Variants in CELF2 observed in about 807,000 individuals in gnomAD.
The protein encoded by CELF2 is CUGBP Elav-like family member 2.
Under a neutral mutation model 62.6 loss-of-function variants are expected in CELF2, and 8 were observed. The ratio of observed to expected loss-of-function variants is 0.13; its 90% CI spans 0.07 to 0.23. The LOEUF (loss-of-function observed/expected upper bound fraction) is 0.23. Among genes scored for constraint, CELF2 ranks in the 10% least tolerant of loss-of-function variants. The probability of loss-of-function intolerance (pLI) is 1.00; values close to 1 mark genes in which losing one functional copy is unlikely to be tolerated. For synonymous variants in CELF2, 258 were observed against 250.0 expected (o/e 1.03, Z -0.30); for missense variants, 333 against 671.0 (o/e 0.50, Z 5.56).
At chr10:10,773,626 A>G in the CELF2 span, among the ~76,000 whole-genome samples, 736 of 152,340 alleles carry the variant, frequency 4.8e-3, 4 homozygotes, top group African/African-American at 0.01. Flanking sequence ...TGGTATTTCA[A>G]CACTGGCTGT....
In CELF2 at chr10:11,021,602, C is replaced by T. The variant is rs185856684; in HGVS notation, c.74+3439C>T. Among the ~76,000 whole-genome samples the T allele has an allele frequency of 3.0e-4, 45 of 152,306 alleles. 1 individual carries two copies. The highest frequency in any genetic ancestry group is 3.2e-4 in the Non-Finnish European group (22 of 68,030). ...AGTTGTTAGTTGAGTGCCTGCCATG[C>T]GCCAGGATAGTTTATTCACACCGTC... is the stretch of plus-strand genomic sequence containing the variant. On this transcript the variant is annotated intron_variant, in intron 1 of 12. Coordinates refer to ENST00000633077, the MANE Select transcript of CELF2 (RefSeq NM_001326342.2).
At chr10:10,856,363 A>T (rs1230569143) in intron 1 of CELF2, among the ~76,000 whole-genome samples, 5 of 152,192 alleles carry the variant, frequency 3.3e-5, no homozygotes, top group East Asian at 1.9e-4. Context: ...GTAATATTTT[A>T]AAAAATGTTT....
intron 1 of CELF2, among the ~76,000 whole-genome samples, chr10:10,891,024 AAACAAC>A (rs3028996): frequency 2.0e-5 from 3 of 151,172 alleles, no homozygotes; most frequent in South Asian, 2.1e-4. Flanking sequence ...TCAAAAAAAC[AAACAAC>A]AACAACAACA....
the CELF2 span, among the ~76,000 whole-genome samples, chr10:10,627,127 C>G: frequency 1.3e-5 from 2 of 152,296 alleles, no homozygotes; most frequent in Admixed American, 1.3e-4. Context: ...CATTGTGTAG[C>G]CCTCCAAAAT....
intron 9 of CELF2, among the ~76,000 whole-genome samples, chr10:11,301,153 A>C (rs747562282): frequency 6.6e-6 from 1 of 152,124 alleles, no homozygotes; most frequent in Non-Finnish European, 1.5e-5. Context: ...ATTTTAAATA[A>C]AGAACTGGCA....
rs2088093142 is a variant in CELF2 at position 11,280,608 on chromosome 10, C to A, written c.841+5488C>A. ...AGACAGTCCCCACGCTCTTCTCGCCCCGGGTTATTACTGTGGTGTGACAGA... is the reference window on the plus strand; with the variant it reads ...AGACAGTCCCCACGCTCTTCTCGCCACGGGTTATTACTGTGGTGTGACAGA... On this transcript the variant is annotated intron_variant, in intron 8 of 12. Coordinates refer to ENST00000633077, the MANE Select transcript of CELF2 (RefSeq NM_001326342.2). This position sits in a 1 kb window ranked among gnomAD's most constrained non-coding sequence, Gnocchi z 7.6. 6.6e-6 allele frequency among the ~76,000 whole-genome samples: 1 copy of A among 152,190 alleles called. No homozygotes were observed. Among genetic ancestry groups the A allele is most frequent in the Non-Finnish European group, 1.5e-5 (1 of 68,028 alleles).
At chr10:11,258,242 C>CT (rs2079404312) in intron 5 of CELF2, among the ~76,000 whole-genome samples, 2 of 152,182 alleles carry the variant, frequency 1.3e-5, no homozygotes, top group African/African-American at 4.8e-5. Flanking sequence ...CTCGGGCTTC[C>CT]TGCCTGTGCC....
chr10:10,661,272 T>A, the CELF2 span, among the ~76,000 whole-genome samples: 1 of 152,238 alleles, frequency 6.6e-6, no homozygotes, highest in Admixed American at 6.5e-5. Context: ...ATATAGTGTC[T>A]CCTTTTTGCA....
chr10:10,608,550 G>A, the CELF2 span, among the ~76,000 whole-genome samples: 6 of 152,032 alleles, frequency 3.9e-5, no homozygotes, highest in South Asian at 2.1e-4. Context: ...CATCTTTAAT[G>A]GCTGTTCTTT....
chr10:10,469,961 A>G, the CELF2 span, among the ~76,000 whole-genome samples: 1 of 152,038 alleles, frequency 6.6e-6, no homozygotes, highest in East Asian at 1.9e-4. Context: ...TCTGAAATCC[A>G]AAATGCTCTG....
chr10:11,119,600 TTAAC>T (rs1278073443), intron 1 of CELF2, among the ~76,000 whole-genome samples: 2 of 152,196 alleles, frequency 1.3e-5, no homozygotes, highest in Admixed American at 6.5e-5. Context: ...TACCAACAAA[TTAAC>T]TATTTTTAAT....
chr10:11,089,190 C>T (rs576765111), intron 1 of CELF2, among the ~76,000 whole-genome samples: 6 of 152,246 alleles, frequency 3.9e-5, no homozygotes, highest in Admixed American at 2.0e-4. Flanking sequence ...GGCAGGGTCA[C>T]GTTGCAAAAG....
the CELF2 span, among the ~76,000 whole-genome samples, chr10:10,718,688 A>C: frequency 6.6e-6 from 1 of 151,730 alleles, no homozygotes; most frequent in Admixed American, 6.6e-5. Context: ...TCCTCCAGGA[A>C]ACTGACCCAA....
the CELF2 span, among the ~76,000 whole-genome samples, chr10:10,675,079 G>A: frequency 6.6e-6 from 1 of 151,984 alleles, no homozygotes; most frequent in African/African-American, 2.4e-5. Context: ...CTTTTTTGAT[G>A]TGCTCCCTTT....
chr10:10,799,233 C>T (rs1313742747), intron 1 of CELF2, among the ~76,000 whole-genome samples: 1 of 152,080 alleles, frequency 6.6e-6, no homozygotes, highest in Non-Finnish European at 1.5e-5. Flanking sequence ...TAATCCCGCA[C>T]TTTGGGACGC....
chr10:11,146,842 T>A (rs1351727175), intron 1 of CELF2, among the ~76,000 whole-genome samples: 1 of 152,232 alleles, frequency 6.6e-6, no homozygotes, highest in Non-Finnish European at 1.5e-5. Flanking sequence ...TATCTTTGCC[T>A]GGACGTCCTG....
intron 11 of CELF2, among the ~76,000 whole-genome samples, chr10:11,322,788 TG>T (rs1424666099): frequency 4.6e-5 from 7 of 152,194 alleles, no homozygotes; most frequent in African/African-American, 1.2e-4. Flanking sequence ...TTTTGAAACA[TG>T]CACAGGTGTT....
chr10:10,619,073 G>A, the CELF2 span, among the ~76,000 whole-genome samples: 1 of 152,196 alleles, frequency 6.6e-6, no homozygotes, highest in South Asian at 2.1e-4. Flanking sequence ...AGGAGGAAGG[G>A]GGAACTTCCA....
At chr10:11,152,940 C>T (rs946071480) in intron 1 of CELF2, among the ~76,000 whole-genome samples, 17 of 152,144 alleles carry the variant, frequency 1.1e-4, no homozygotes, top group African/African-American at 1.9e-4. Context: ...TTGGCTGTGG[C>T]GCTGATTTCT....
Sources: allele counts gnomAD v4.1 joint callset (sites outside exome capture counted in the v4.1 genomes callset), GRCh38; gene constraint gnomAD v4.1.1; non-coding constraint Gnocchi (gnomAD v3.1); transcripts MANE v1.5; gene names NCBI Gene and HGNC (gene_info 2026-07-23, HGNC 2026-07-21).